SLC5A5: variants seen among roughly 807,000 people sequenced by gnomAD.
SLC5A5 encodes the protein sodium/iodide cotransporter.
In SLC5A5, 56 loss-of-function variants were observed where a neutral mutation model predicts 68.6. The observed-to-expected ratio is 0.82, with a 90% CI of 0.66 to 1.02. SLC5A5 has a LOEUF of 1.02. SLC5A5 is among the 50% of genes least tolerant of loss of function. The pLI is 0.00. For missense variants in SLC5A5, 807 were observed against 859.8 expected, an observed-to-expected ratio of 0.94 and a Z score of 0.77; for synonymous variants, 398 against 373.0, an observed-to-expected ratio of 1.07 and a Z score of -0.77.
chr19:17,877,761 C>CT lies in SLC5A5; in HGVS notation c.741dup (p.Val248CysfsTer62). 9 of 1,614,248 alleles carry CT rather than the reference C, an allele frequency of 5.6e-6. No individual in the cohort carries two copies. The highest frequency in any genetic ancestry group is 6.8e-6 in the Non-Finnish European group (8 of 1,180,052). On this transcript the variant is annotated frameshift_variant, in exon 6 of 15. Coordinates refer to ENST00000222248, the MANE Select transcript of SLC5A5 (RefSeq NM_000453.3). ...CCGAGGAGCCGCTATACATTCTGGACTTTTGTGGTGGGTGGCACGTTGGTG... is the reference window on the plus strand; with the variant it reads ...CCGAGGAGCCGCTATACATTCTGGACTTTTTGTGGTGGGTGGCACGTTGGTG...
chr19:17,883,624 A>AGCGGTG, intron 10 of SLC5A5, 57 bp from the exon 11 acceptor site: 1 of 1,396,886 alleles, frequency 7.2e-7, no homozygotes, highest in African/African-American at 1.4e-5. Flanking sequence ...GGGTAAACTG[A>AGCGGTG]GGCCCAGAGC....
chr19:17,873,148 G>T (rs1165164969), intron 1 of SLC5A5, among the ~76,000 whole-genome samples: 2 of 152,216 alleles, frequency 1.3e-5, no homozygotes, highest in Admixed American at 6.5e-5. Context: ...CCCTCCAGGG[G>T]AGAGGGTAAA....
Position 17,881,959 on chromosome 19 carries a change from G to A in SLC5A5, c.1059-1G>A. 6.2e-7 allele frequency: 1 copy of A among 1,612,274 alleles called. No homozygotes were observed. The highest frequency in any genetic ancestry group is 8.5e-7 in the Non-Finnish European group (1 of 1,178,388). On this transcript the variant is annotated splice_acceptor_variant, in intron 8 of 14. Coordinates refer to ENST00000222248, the MANE Select transcript of SLC5A5 (RefSeq NM_000453.3). LOFTEE classifies it high-confidence loss of function. ...GACCCCCCGCTGCCTTCCTCACACAGCACAGCATCCACCAGCATCAATGCT... is the reference window on the plus strand; with the variant it reads ...GACCCCCCGCTGCCTTCCTCACACAACACAGCATCCACCAGCATCAATGCT...
chr19:17,880,048 G>A (rs1037924631), intron 7 of SLC5A5, among the ~76,000 whole-genome samples: 8 of 151,618 alleles, frequency 5.3e-5, no homozygotes, highest in Admixed American at 2.0e-4. Context: ...ACAGGCATGC[G>A]CCACCATGCC....
At chr19:17,880,975 T>C (rs764311991) in intron 8 of SLC5A5, 22 bp downstream of exon 8, 35 of 1,584,218 alleles carry the variant, frequency 2.2e-5, no homozygotes, top group East Asian at 8.9e-5. Flanking sequence ...TGCTTGTTCA[T>C]GGAGCATTAT....
chr19:17,888,248 A>C, intron 12 of SLC5A5, 83 bp from the exon 13 acceptor site: 1 of 1,547,748 alleles, frequency 6.5e-7, no homozygotes, highest in African/African-American at 1.4e-5. Flanking sequence ...GGGGGAAGGA[A>C]GCAGGGGGTG....
intron 10 of SLC5A5, among the ~76,000 whole-genome samples, 157 bp from the exon 11 acceptor site, chr19:17,883,524 G>GT (rs931394647): frequency 1.5e-5 from 2 of 137,084 alleles, no homozygotes; most frequent in African/African-American, 2.6e-5. Flanking sequence ...CAGGAACAAG[G>GT]GGGGGGGGTC....
At chr19:17,881,078 T>C in intron 8 of SLC5A5, 125 bp downstream of exon 8, 1 of 781,984 alleles carries the variant, frequency 1.3e-6, no homozygotes, top group Non-Finnish European at 2.2e-6. Flanking sequence ...TCCTGCTTGA[T>C]CCCTAGAAGA....
At chr19:17,889,446 GA>G (rs2030072600) in intron 13 of SLC5A5, among the ~76,000 whole-genome samples, 5 of 150,610 alleles carry the variant, frequency 3.3e-5, no homozygotes, top group Admixed American at 2.7e-4. Flanking sequence ...AGGAAGGAAA[GA>G]GAAAGAGAGA....
Position 17,872,434 on chromosome 19 carries a change from G to A in SLC5A5, c.115G>A (p.Gly39Ser). The A allele has an allele frequency of 1.2e-6, 2 of 1,608,840 alleles. No individual in the cohort carries two copies. Among genetic ancestry groups the A allele is most frequent in the Non-Finnish European group, 1.7e-6 (2 of 1,177,724 alleles). The part of the protein sequence containing the change: ...GIGLWVGLAR[G>S]GQRSAEDFFT... ...CGGGCTGTGGGTCGGGCTGGCTCGG[G>A]GCGGGCAGCGCAGCGCTGAGGACTT... The change falls in exon 1 of 15, where the codon GGC (glycine) becomes AGC (serine). Residue 39 changes from glycine to serine, a missense_variant. Physicochemically the swap from Gly to Ser is moderately conservative, Grantham distance 56. Transcript: ENST00000222248.
rs369717566 is a variant in SLC5A5, at chr19:17,893,680, C to G, written c.1768-33C>G. Reference sequence around the variant, plus strand: ...ACGGAACAGGGTGGGGACAGGGTCTCTGATGGGGTCTCTTTTTCCCACTTT... The same window carrying G: ...ACGGAACAGGGTGGGGACAGGGTCTGTGATGGGGTCTCTTTTTCCCACTTT... On this transcript the variant is annotated intron_variant, in intron 14 of 14. Transcript: ENST00000222248. 31 of 1,609,754 alleles carry G rather than the reference C, an allele frequency of 1.9e-5. No homozygotes were observed. In the African/African-American group the frequency reaches 3.9e-4, roughly 20 times the overall value.
intron 13 of SLC5A5, among the ~76,000 whole-genome samples, chr19:17,890,467 C>G (rs1385843295): frequency 6.6e-6 from 1 of 152,194 alleles, no homozygotes; most frequent in Non-Finnish European, 1.5e-5. Context: ...TGACGGCTCA[C>G]TGCAGCCTCG....
intron 12 of SLC5A5, among the ~76,000 whole-genome samples, chr19:17,887,597 AT>A (rs59690936): frequency 0.031 from 3,701 of 120,906 alleles, 139 homozygotes; most frequent in African/African-American, 0.11. Context: ...GAAGTTTTTA[AT>A]TTTTTTTTTT....
At chr19:17,872,808 G>C (rs2094297655) in intron 1 of SLC5A5, 132 bp downstream of exon 1, 7 of 671,928 alleles carry the variant, frequency 1.0e-5, no homozygotes, top group South Asian at 1.6e-5. Flanking sequence ...AACGGAAGGG[G>C]CCCCTAGGCA....
At chr19:17,883,532 G>A in intron 10 of SLC5A5, 149 bp from the exon 11 acceptor site, 1 of 732,624 alleles carries the variant, frequency 1.4e-6, no homozygotes, top group South Asian at 1.5e-5. Flanking sequence ...AGGGGGGGGG[G>A]TCCTCTCCCC....
At chr19:17,878,649 A>G (rs1188311765) in intron 7 of SLC5A5, among the ~76,000 whole-genome samples, 1 of 152,072 alleles carries the variant, frequency 6.6e-6, no homozygotes, top group African/African-American at 2.4e-5. Flanking sequence ...GAGAGTTCCA[A>G]AGATCCCCTG....
chr19:17,872,696 G>A lies in SLC5A5; in HGVS notation c.357+20G>A. On this transcript the variant is annotated intron_variant, in intron 1 of 14. Transcript: ENST00000222248. Reference sequence around the variant, plus strand: ...TACGAGGTACCGGACAGAGGCCCGGGGGTAGGACCTGCCCCACTGGCAGTG... The same window carrying A: ...TACGAGGTACCGGACAGAGGCCCGGAGGTAGGACCTGCCCCACTGGCAGTG... 4 of 1,439,196 alleles carry A rather than the reference G, an allele frequency of 2.8e-6. No homozygotes were observed. Among genetic ancestry groups the A allele is most frequent in the Non-Finnish European group, 3.9e-6 (4 of 1,029,706 alleles). The allele number at this position is 1,439,196 out of a possible 1,614,324, so 89.2% of individuals were successfully genotyped here. A position where few individuals can be genotyped will look rare whatever the true frequency, so the allele number is the denominator to read the frequency against.
Position 17,883,671 on chromosome 19 carries a change from A to G in SLC5A5, c.1243-10A>G, listed in dbSNP as rs372156701. The G allele has an allele frequency of 9.3e-6, 15 of 1,609,500 alleles. No homozygotes were observed. In the South Asian group the frequency reaches 1.1e-4, roughly 12 times the overall value. ...TCCGCCCTCAGCCCCACTTCCACCTACTCTCCCAGGGCTCCTTCACCGTCA... is the reference window on the plus strand; with the variant it reads ...TCCGCCCTCAGCCCCACTTCCACCTGCTCTCCCAGGGCTCCTTCACCGTCA... On this transcript the variant is annotated splice_polypyrimidine_tract_variant and intron_variant, in intron 10 of 14. Transcript: ENST00000222248.
In SLC5A5 at chr19:17,893,906, C is replaced by T; in HGVS notation, c.*29C>T. The T allele has an allele frequency of 6.4e-7, 1 of 1,550,774 alleles. No homozygotes were observed. Among genetic ancestry groups the T allele is most frequent in the Middle Eastern group, 1.7e-4 (1 of 5,958 alleles). ...CAGGGCCAGCCGCGGGACTGACACC[C>T]TGGGATGGAACCTCAGGATGGGCCA... On this transcript the variant is annotated 3_prime_UTR_variant, in exon 15 of 15. Transcript: ENST00000222248.
Sources: gnomAD v4.1 joint callset for allele counts (sites outside exome capture counted in the v4.1 genomes callset) on GRCh38, gnomAD v4.1.1 for gene constraint, MANE v1.5 for transcripts, NCBI Gene and HGNC (gene_info 2026-07-23, HGNC 2026-07-21) for gene names.